The following UBASH3B variants were observed in gnomAD, a reference collection of about 807,000 sequenced individuals.
UBASH3B encodes ubiquitin associated and SH3 domain containing B, also known as ubiquitin-associated and SH3 domain-containing protein B.
UBASH3B carries 37 observed loss-of-function variants against 83.4 expected under a neutral mutation model. The observed-to-expected ratio is 0.44, with a 90% CI of 0.34 to 0.58. The LOEUF (loss-of-function observed/expected upper bound fraction) is 0.58, where lower values mean the gene tolerates loss of function less well. Ranked by LOEUF, UBASH3B falls within the 20% of genes least tolerant of loss-of-function variation. The probability of loss-of-function intolerance (pLI) is 0.01; values close to 1 mark genes in which losing one functional copy is unlikely to be tolerated. For synonymous variants in UBASH3B, 304 were observed against 318.3 expected (o/e 0.96, Z 0.48); for missense variants, 657 against 827.2 (o/e 0.79, Z 2.52).
intron 6 of UBASH3B, among the ~76,000 whole-genome samples, 167 bp from the exon 7 acceptor site, chr11:122,794,535 C>G (rs1411830571): frequency 6.6e-6 from 1 of 152,154 alleles, no homozygotes; most frequent in African/African-American, 2.4e-5. Context: ...CAGTATAAAA[C>G]AAGGTATTTT....
intron 1 of UBASH3B, among the ~76,000 whole-genome samples, chr11:122,747,630 G>A (rs1433174093): frequency 1.3e-5 from 2 of 152,220 alleles, no homozygotes; most frequent in African/African-American, 4.8e-5. Flanking sequence ...GTGATGTTGG[G>A]TGGTTTGGGT....
chr11:122,743,703 T>G (rs966740458), intron 1 of UBASH3B, among the ~76,000 whole-genome samples: 2 of 152,150 alleles, frequency 1.3e-5, no homozygotes, highest in African/African-American at 4.8e-5. Flanking sequence ...TCTCTTTCAC[T>G]TTGGAGTGGG....
chr11:122,687,522 G>T (rs145759155), intron 1 of UBASH3B, among the ~76,000 whole-genome samples: 5 of 152,214 alleles, frequency 3.3e-5, no homozygotes, highest in South Asian at 2.1e-4. Flanking sequence ...TGTTGTATTG[G>T]GGGGGCAGAT....
intron 1 of UBASH3B, among the ~76,000 whole-genome samples, chr11:122,706,102 C>T (rs1242286082): frequency 3.4e-4 from 41 of 120,400 alleles, no homozygotes; most frequent in South Asian, 8.1e-4. Flanking sequence ...TAATTCTTTT[C>T]TTTCTTTTTT....
intron 1 of UBASH3B, among the ~76,000 whole-genome samples, chr11:122,711,422 C>A (rs1565537619): frequency 6.6e-6 from 1 of 152,250 alleles, no homozygotes; most frequent in Non-Finnish European, 1.5e-5. Flanking sequence ...AAGATGGTCA[C>A]CCCTGAGTCC....
At chr11:122,789,560 G>T (rs1861015477) in intron 6 of UBASH3B, among the ~76,000 whole-genome samples, 1 of 152,166 alleles carries the variant, frequency 6.6e-6, no homozygotes, top group Non-Finnish European at 1.5e-5. Context: ...GTGGCTTGGG[G>T]TCCATCTCTT....
chr11:122,670,821 G>T (rs1863584552), intron 1 of UBASH3B, among the ~76,000 whole-genome samples: 1 of 151,700 alleles, frequency 6.6e-6, no homozygotes, highest in Non-Finnish European at 1.5e-5. Flanking sequence ...GGAGTGCAAT[G>T]GTGCGACTGT....
rs544638035 is a variant in UBASH3B, at chr11:122,741,822, C to T, written c.162-34397C>T. Among the ~76,000 whole-genome samples, 85 of 152,298 alleles carry T rather than the reference C, an allele frequency of 5.6e-4. 1 individual carries two copies. The highest frequency in any genetic ancestry group is 1.5e-3 in the African/African-American group (64 of 41,562). ...CTTTGCTCTTCCCCCCTCCCTCCCA[C>T]GGGTTCTGCTTCCTGGACCCTTCTG... On this transcript the variant is annotated intron_variant, in intron 1 of 13. Coordinates refer to ENST00000284273, the MANE Select transcript of UBASH3B (RefSeq NM_032873.5).
chr11:122,662,636 G>A (rs1369735648), intron 1 of UBASH3B, among the ~76,000 whole-genome samples: 3 of 151,760 alleles, frequency 2.0e-5, no homozygotes, highest in Non-Finnish European at 2.9e-5. Flanking sequence ...TCTCCATGTT[G>A]GTCAGGCTGG....
chr11:122,809,631 C>T, intron 13 of UBASH3B, 118 bp from the exon 14 acceptor site: 1 of 1,025,448 alleles, frequency 9.8e-7, no homozygotes, highest in African/African-American at 1.6e-5. Flanking sequence ...TCTACAAAGC[C>T]ACTATCCATT....
At position 122,803,048 on chromosome 11, in the gene UBASH3B, C is replaced by T. The variant is rs113552694; in HGVS notation, c.1595+1716C>T. On this transcript the variant is annotated intron_variant, in intron 11 of 13. Coordinates refer to ENST00000284273, the MANE Select transcript of UBASH3B (RefSeq NM_032873.5). Reference sequence around the variant, plus strand: ...GTCAATGTACACTCAGATACACACCCCACCAGCAGTGTGAGCAGAAGGATG... The same window carrying T: ...GTCAATGTACACTCAGATACACACCTCACCAGCAGTGTGAGCAGAAGGATG... Among the ~76,000 whole-genome samples, 1,442 of 152,272 alleles carry T rather than the reference C, an allele frequency of 9.5e-3. 19 individuals are homozygous for T. The highest frequency in any genetic ancestry group is 0.033 in the African/African-American group (1,376 of 41,554).
chr11:122,763,534 G>A (rs1212322539), intron 1 of UBASH3B, among the ~76,000 whole-genome samples: 1 of 152,114 alleles, frequency 6.6e-6, no homozygotes, highest in Non-Finnish European at 1.5e-5. Flanking sequence ...AAATAGCTCA[G>A]GAAATTTTTT....
At chr11:122,738,712 A>C (rs1473346340) in intron 1 of UBASH3B, among the ~76,000 whole-genome samples, 5 of 152,050 alleles carry the variant, frequency 3.3e-5, no homozygotes, top group African/African-American at 1.2e-4. Context: ...AACATGGAGA[A>C]ACCCCGTCTC....
At chr11:122,743,692 G>A (rs1001187491) in intron 1 of UBASH3B, among the ~76,000 whole-genome samples, 9 of 152,218 alleles carry the variant, frequency 5.9e-5, no homozygotes, top group Non-Finnish European at 2.9e-5. Context: ...CAGGTCCCTG[G>A]TCTCTTTCAC....
chr11:122,719,221 C>T (rs975626555), intron 1 of UBASH3B, among the ~76,000 whole-genome samples: 7 of 152,124 alleles, frequency 4.6e-5, no homozygotes, highest in Non-Finnish European at 7.3e-5. Context: ...TGGGAGTGCC[C>T]GGAAGTCAAT....
intron 3 of UBASH3B, among the ~76,000 whole-genome samples, chr11:122,778,835 C>A (rs572840940): frequency 4.0e-4 from 61 of 152,136 alleles, no homozygotes; most frequent in African/African-American, 1.5e-3. Flanking sequence ...AAACTCCAGT[C>A]CTCAAGTGAT....
At position 122,656,070 on chromosome 11, in the gene UBASH3B, C is replaced by G; in HGVS notation, c.21C>G (p.Pro7=). The change falls in exon 1 of 14, where the codon CCC becomes CCG. Residue 7 remains proline, a synonymous_variant. Coordinates refer to ENST00000284273, the MANE Select transcript of UBASH3B (RefSeq NM_032873.5). The part of the protein sequence containing the change: MAQYGH[P]SPLGMAAREE... Reference sequence around the variant, plus strand: ...GAGCCATGGCTCAGTACGGCCACCCCAGTCCGCTCGGCATGGCTGCGAGAG... The same window carrying G: ...GAGCCATGGCTCAGTACGGCCACCCGAGTCCGCTCGGCATGGCTGCGAGAG... The G allele has an allele frequency of 6.3e-7, 1 of 1,599,960 alleles. No individual in the cohort carries two copies. Among genetic ancestry groups the G allele is most frequent in the Non-Finnish European group, 8.5e-7 (1 of 1,174,580 alleles).
chr11:122,804,681 T>C (rs998471716), intron 11 of UBASH3B, among the ~76,000 whole-genome samples: 2 of 152,132 alleles, frequency 1.3e-5, no homozygotes, highest in Non-Finnish European at 2.9e-5. Flanking sequence ...CTGACACATA[T>C]GGGAACCTCA....
chr11:122,664,436 C>G (rs753735889), intron 1 of UBASH3B, among the ~76,000 whole-genome samples: 1 of 96,398 alleles, frequency 1.0e-5, no homozygotes. Context: ...AATGAGATGA[C>G]TATGATCCTC....
Sources: gnomAD v4.1 joint callset for allele counts (sites outside exome capture counted in the v4.1 genomes callset) on GRCh38, gnomAD v4.1.1 for gene constraint, MANE v1.5 for transcripts, NCBI Gene and HGNC (gene_info 2026-07-23, HGNC 2026-07-21) for gene names.